Variants in DSN1 observed in about 807,000 individuals in gnomAD.
DSN1 encodes the protein DSN1 component of MIS12 kinetochore complex, also known as kinetochore-associated protein DSN1 homolog.
Under a neutral mutation model 45.7 loss-of-function variants are expected in DSN1, and 31 were observed. That is an observed-to-expected ratio of 0.68 (90% CI 0.51 to 0.92). DSN1 has a LOEUF of 0.92. Among genes scored for constraint, DSN1 ranks in the 40% least tolerant of loss-of-function variants. DSN1 has a pLI of 0.00. For missense variants in DSN1, 394 were observed against 414.2 expected (o/e 0.95, Z 0.42); for synonymous variants, 134 against 142.3 (o/e 0.94, Z 0.41).
intron 6 of DSN1, among the ~76,000 whole-genome samples, chr20:36,760,001 T>C (rs1601008031): frequency 6.6e-6 from 1 of 151,984 alleles, no homozygotes; most frequent in Non-Finnish European, 1.5e-5. Context: ...CCCAGCAGTC[T>C]AGGAGACCGA....
intron 10 of DSN1, among the ~76,000 whole-genome samples, chr20:36,753,635 CAAAAAAA>C (rs1290145844): frequency 1.2e-4 from 6 of 49,904 alleles, no homozygotes; most frequent in East Asian, 5.5e-4. Flanking sequence ...GAGACTGTCT[CAAAAAAA>C]AAAAAAAAAA....
rs1008552596 is a variant in DSN1, at chr20:36,754,674, T to G, written c.961+89A>C. On this transcript the variant is annotated intron_variant, in intron 10 of 10. Coordinates refer to ENST00000373750, the MANE Select transcript of DSN1 (RefSeq NM_001145315.2). ...TCACCTCATATAGGTCTTACCCTCT[T>G]GGACCATAGGCTTTGAAGGGCAGTT... The G allele has an allele frequency of 2.8e-6, 3 of 1,079,312 alleles. No individual in the cohort carries two copies. In the African/African-American group the frequency reaches 4.7e-5, roughly 17 times the overall value. The allele number at this position is 1,079,312 out of a possible 1,614,324, so 66.9% of individuals were successfully genotyped here. A position where few individuals can be genotyped will look rare whatever the true frequency, so the allele number is the denominator to read the frequency against.
rs1307690081 is a variant in DSN1, at chr20:36,762,491, G to C, written c.560C>G (p.Thr187Ser). 1.5e-5 allele frequency: 25 copies of C among 1,613,600 alleles called. No individual in the cohort carries two copies. The highest frequency in any genetic ancestry group is 2.1e-5 in the Non-Finnish European group (25 of 1,179,856). Residue 187 changes from threonine (T) to serine (S), a missense_variant, in exon 6 of 11, where the codon ACT (threonine) becomes AGT (serine). Physicochemically the swap from Thr to Ser is moderately conservative, Grantham distance 58. Transcript: ENST00000373750. ...TGAATCTTCAAAACATTTTTGTAGA[G>C]TTCCATCAGTTTCCAGTCCGTCTGC... is the stretch of plus-strand genomic sequence containing the variant. ...HFADGLETDG[T>S]LQKCFEDSNG...
intron 5 of DSN1, among the ~76,000 whole-genome samples, chr20:36,765,419 G>A (rs1987267040): frequency 1.3e-5 from 2 of 152,100 alleles, no homozygotes; most frequent in South Asian, 4.1e-4. Flanking sequence ...GCCCGGCGTG[G>A]TGGCACATGC....
At chr20:36,770,201 G>A (rs1326119557) in intron 3 of DSN1, among the ~76,000 whole-genome samples, 2 of 152,020 alleles carry the variant, frequency 1.3e-5, no homozygotes, top group African/African-American at 4.8e-5. Context: ...CCAGTAGCTG[G>A]GACTACAGGT....
In DSN1 at chr20:36,771,055, C is replaced by T; in HGVS notation, c.173G>A (p.Ser58Asn). Residue 58 changes from serine to asparagine, a missense_variant, in exon 3 of 11, where the codon AGC becomes AAC. Ser to Asn is a conservative substitution (Grantham distance 46). Coordinates refer to ENST00000373750, the MANE Select transcript of DSN1 (RefSeq NM_001145315.2). ...ATCACAATTTCCCCCTTTTTTAGGGCTAGAGCCAAGGTGAATTCTTTCCTC... is the reference window on the plus strand; with the variant it reads ...ATCACAATTTCCCCCTTTTTTAGGGTTAGAGCCAAGGTGAATTCTTTCCTC... ...VSEERIHLGSSPKKGGNCDLS... is the reference protein window; with the variant it reads ...VSEERIHLGSNPKKGGNCDLS... 6.2e-7 allele frequency: 1 copy of T among 1,614,160 alleles called. No individual in the cohort carries two copies. The highest frequency in any genetic ancestry group is 8.5e-7 in the Non-Finnish European group (1 of 1,180,026).
chr20:36,759,951 C>T (rs1400589427), intron 6 of DSN1, among the ~76,000 whole-genome samples: 1 of 152,046 alleles, frequency 6.6e-6, no homozygotes. Context: ...CTTAAAAACT[C>T]TGTGACTCTC....
chr20:36,752,976 G>T, intron 10 of DSN1, 79 bp from the exon 11 acceptor site: 1 of 1,144,052 alleles, frequency 8.7e-7, no homozygotes, highest in Non-Finnish European at 1.3e-6. Context: ...TAGGGACATT[G>T]TGACACACAT....
At chr20:36,757,941 G>T in intron 8 of DSN1, 146 bp downstream of exon 8, 1 of 700,174 alleles carries the variant, frequency 1.4e-6, no homozygotes, top group Non-Finnish European at 2.4e-6. Context: ...TCTGGTCAGA[G>T]AGTGCTAATA....
intron 6 of DSN1, among the ~76,000 whole-genome samples, chr20:36,762,219 G>A (rs1987031351): frequency 6.9e-6 from 1 of 144,452 alleles, no homozygotes; most frequent in South Asian, 2.2e-4. Flanking sequence ...CCATTCTCCT[G>A]CCTCAGCCTC....
chr20:36,765,667 C>T (rs548679356), intron 5 of DSN1, among the ~76,000 whole-genome samples: 3 of 138,944 alleles, frequency 2.2e-5, no homozygotes, highest in East Asian at 2.2e-4. Flanking sequence ...GCGCAGTGGC[C>T]GACGCCTGTA....
Position 36,771,051 on chromosome 20 carries a change from A to AG in DSN1, c.176dup (p.Lys60Ter). 6.2e-7 allele frequency: 1 copy of AG among 1,614,138 alleles called. No individual in the cohort carries two copies. Among genetic ancestry groups the AG allele is most frequent in the Non-Finnish European group, 8.5e-7 (1 of 1,180,022 alleles). On this transcript the variant is annotated frameshift_variant, in exon 3 of 11. Coordinates refer to ENST00000373750, the MANE Select transcript of DSN1 (RefSeq NM_001145315.2). LOFTEE classifies it high-confidence loss of function. ...TGAGATCACAATTTCCCCCTTTTTTAGGGCTAGAGCCAAGGTGAATTCTTT... is the reference window on the plus strand; with the variant it reads ...TGAGATCACAATTTCCCCCTTTTTTAGGGGCTAGAGCCAAGGTGAATTCTTT...
chr20:36,766,840 A>T lies in DSN1; in HGVS notation c.431T>A (p.Phe144Tyr), dbSNP rs1376363086. The change falls in exon 5 of 11, where the codon TTC becomes TAC. Residue 144 changes from phenylalanine to tyrosine, a missense_variant and splice_region_variant. Phe to Tyr is a conservative substitution (Grantham distance 22). Coordinates refer to ENST00000373750, the MANE Select transcript of DSN1 (RefSeq NM_001145315.2). ...LGCLLLSSFQFSIQKLEPFLR... is the reference protein window; with the variant it reads ...LGCLLLSSFQYSIQKLEPFLR... The stretch of plus-strand genomic sequence containing the variant: ...GAAAGGTTCAAGTTTCTGAATAGAG[A>T]ACTAAATAAAGAAAAGCATTTTTAG... 4 of 1,594,214 alleles carry T rather than the reference A, an allele frequency of 2.5e-6. No individual in the cohort carries two copies. The African/African-American group carries it at 5.4e-5, about 22-fold the overall frequency.
Position 36,772,024 on chromosome 20 carries a change from G to T in DSN1, c.-15-551C>A, listed in dbSNP as rs1987675800. 2.0e-5 allele frequency among the ~76,000 whole-genome samples: 3 copies of T among 151,834 alleles called. No homozygotes were observed. The South Asian group carries it at 6.2e-4, about 32-fold the overall frequency. ...GCCTCCTGAGTAGCTGGGATTACAG[G>T]AATGCACCACCATACCTGGCTAATT... On this transcript the variant is annotated intron_variant, in intron 1 of 10. Coordinates refer to ENST00000373750, the MANE Select transcript of DSN1 (RefSeq NM_001145315.2).
rs925091177 is a variant in DSN1, at chr20:36,766,754, C to T, written c.502+15G>A. The T allele has an allele frequency of 3.1e-6, 5 of 1,606,350 alleles. No individual in the cohort carries two copies. Among genetic ancestry groups the T allele is most frequent in the Non-Finnish European group, 4.2e-6 (5 of 1,176,782 alleles). On this transcript the variant is annotated intron_variant, in intron 5 of 10. Coordinates refer to ENST00000373750, the MANE Select transcript of DSN1 (RefSeq NM_001145315.2). ...CTGCCCAGGGTCAAAGCTCACTCAT[C>T]TGTTAGCAACTTACCTTTGGCTCTA...
chr20:36,763,694 C>T (rs1987143139), intron 5 of DSN1, among the ~76,000 whole-genome samples: 1 of 151,678 alleles, frequency 6.6e-6, no homozygotes, highest in Non-Finnish European at 1.5e-5. Flanking sequence ...CAACACCATC[C>T]TGGCCAACAT....
chr20:36,773,385 A>G (rs1026905752), intron 1 of DSN1: 4 of 985,402 alleles, frequency 4.1e-6, no homozygotes, highest in Non-Finnish European at 4.8e-6. Context: ...CCCTCTACCC[A>G]GTCCTCACCC....
At chr20:36,768,473 G>C (rs541108567) in intron 3 of DSN1, among the ~76,000 whole-genome samples, 1 of 152,306 alleles carries the variant, frequency 6.6e-6, no homozygotes, top group East Asian at 1.9e-4. Flanking sequence ...GGCTCAGGAG[G>C]CGGAGGCTGC....
chr20:36,770,660 T>C (rs1055167844), intron 3 of DSN1, among the ~76,000 whole-genome samples: 7 of 152,108 alleles, frequency 4.6e-5, no homozygotes, highest in Non-Finnish European at 1.0e-4. Flanking sequence ...GAAGTTCAAG[T>C]CCAGCCTAGA....
Sources: gnomAD v4.1 joint callset for allele counts (sites outside exome capture counted in the v4.1 genomes callset) on GRCh38, gnomAD v4.1.1 for gene constraint, MANE v1.5 for transcripts, NCBI Gene and HGNC (gene_info 2026-07-23, HGNC 2026-07-21) for gene names.